Variants in CFI observed in about 807,000 individuals in gnomAD.
CFI encodes C3B/C4B inactivator.
A neutral mutation model predicts 78.8 loss-of-function variants in CFI; 66 were observed. That is an observed-to-expected ratio of 0.84 (90% confidence interval 0.69 to 1.03). The LOEUF is 1.03. CFI is among the 50% of genes least tolerant of loss of function. CFI has a pLI of 0.00. For synonymous variants in CFI, 250 were observed against 232.6 expected, an observed-to-expected ratio of 1.07 and a Z score of -0.68; for missense variants, 706 against 704.5, an observed-to-expected ratio of 1.00 and a Z score of -0.02.
chr4:109,775,038 T>G (rs1301681327), intron 1 of CFI, among the ~76,000 whole-genome samples: 1 of 152,116 alleles, frequency 6.6e-6, no homozygotes, highest in Non-Finnish European at 1.5e-5. Context: ...AATTTCCAAC[T>G]TGAGGAGGTT....
the CFI span, among the ~76,000 whole-genome samples, chr4:109,731,207 G>A: frequency 6.6e-6 from 1 of 152,064 alleles, no homozygotes; most frequent in Admixed American, 6.6e-5. Context: ...TTAGCTGGGC[G>A]TGGTGGCGGG....
intron 7 of CFI, among the ~76,000 whole-genome samples, chr4:109,756,152 G>A (rs1726105006): frequency 6.6e-6 from 1 of 152,120 alleles, no homozygotes. Context: ...GCCTATTGGG[G>A]AAGAGGAATG....
intron 11 of CFI, among the ~76,000 whole-genome samples, chr4:109,743,610 G>A (rs1724072757): frequency 6.6e-6 from 1 of 152,092 alleles, no homozygotes; most frequent in Admixed American, 6.5e-5. Flanking sequence ...CTCAATAAAT[G>A]TGTTAAACCA....
At chr4:109,795,213 G>A (rs993227128) in intron 1 of CFI, among the ~76,000 whole-genome samples, 2 of 152,178 alleles carry the variant, frequency 1.3e-5, no homozygotes, top group African/African-American at 4.8e-5. Context: ...TACCCACACA[G>A]TGACGGTGGC....
chr4:109,792,714 T>C (rs527352374), intron 1 of CFI, among the ~76,000 whole-genome samples: 1 of 152,332 alleles, frequency 6.6e-6, no homozygotes, highest in East Asian at 1.9e-4. Context: ...ATTGACCCTT[T>C]CATTAATATA....
At chr4:109,788,345 A>G (rs1730997260) in intron 1 of CFI, among the ~76,000 whole-genome samples, 1 of 152,252 alleles carries the variant, frequency 6.6e-6, no homozygotes, top group South Asian at 2.1e-4. Flanking sequence ...CCCATCATCA[A>G]TATATGAGAA....
In CFI at chr4:109,760,516, T is replaced by C. The variant is rs1726920458; in HGVS notation, c.772+7A>G. ...TTAGAGGATTTAGAGGCTAGATTTATGTCTACCTTTACAACACAGTTCATC... is the reference window on the plus strand; with the variant it reads ...TTAGAGGATTTAGAGGCTAGATTTACGTCTACCTTTACAACACAGTTCATC... On this transcript the variant is annotated splice_region_variant and intron_variant, in intron 5 of 12. Transcript: ENST00000394634. 1 of 1,543,598 alleles carries C rather than the reference T, an allele frequency of 6.5e-7. No homozygotes were observed. The highest frequency in any genetic ancestry group is 9.0e-7 in the Non-Finnish European group (1 of 1,115,642).
rs572225565 is a variant in CFI, at chr4:109,795,135, G to A, written c.57+6780C>T. ...CACGATGCTGAAAGAGATTCCTTTG[G>A]ATCATGAGCTCTCTTGTGGGGGAAA... On this transcript the variant is annotated intron_variant, in intron 1 of 12. Transcript: ENST00000394634. 4.6e-5 allele frequency among the ~76,000 whole-genome samples: 7 copies of A among 152,262 alleles called. No homozygotes were observed. The South Asian group carries it at 1.5e-3, about 32-fold the overall frequency.
At chr4:109,786,395 T>C (rs1025186341) in intron 1 of CFI, among the ~76,000 whole-genome samples, 1 of 152,144 alleles carries the variant, frequency 6.6e-6, no homozygotes, top group Non-Finnish European at 1.5e-5. Context: ...TTTATCTTTT[T>C]TTTCTCTAGG....
At chr4:109,757,222 G>C in intron 7 of CFI, among the ~76,000 whole-genome samples, 1 of 151,562 alleles carries the variant, frequency 6.6e-6, no homozygotes, top group Non-Finnish European at 1.5e-5. Context: ...TTTTAGTAGA[G>C]ATGGGGTTTC....
intron 8 of CFI, among the ~76,000 whole-genome samples, chr4:109,750,607 A>T (rs1330856805): frequency 6.6e-6 from 1 of 152,156 alleles, no homozygotes; most frequent in African/African-American, 2.4e-5. Flanking sequence ...AAAGTTTATG[A>T]CCTGAATTTT....
At chr4:109,782,627 T>C (rs1281084500) in intron 1 of CFI, among the ~76,000 whole-genome samples, 1 of 151,450 alleles carries the variant, frequency 6.6e-6, no homozygotes, top group Non-Finnish European at 1.5e-5. Flanking sequence ...TTCAATGCAA[T>C]CCAAATACCA....
In CFI at chr4:109,764,686, C is replaced by G. The variant is rs189153845; in HGVS notation, c.333G>C (p.Lys111Asn). 1 of 1,613,352 alleles carries G rather than the reference C, an allele frequency of 6.2e-7. No individual in the cohort carries two copies. The highest frequency in any genetic ancestry group is 1.7e-5 in the Admixed American group (1 of 59,980). Residue 111 changes from lysine (K) to asparagine (N), a missense_variant, in exon 3 of 13, where the codon AAG (lysine) becomes AAC (asparagine). By Grantham distance (94) the Lys-to-Asn change is moderately conservative (BLOSUM62 0). Coordinates refer to ENST00000394634, the MANE Select transcript of CFI (RefSeq NM_000204.5). ...TTCCATGCTTCAAGGAAACACTAAA[C>G]TTTCCTAAAATAAAAAAACAAAATA... ...LNNGTCTAEGKFSVSLKHGNT... is the reference protein window; with the variant it reads ...LNNGTCTAEGNFSVSLKHGNT...
intron 1 of CFI, among the ~76,000 whole-genome samples, chr4:109,789,277 A>G (rs1199871777): frequency 2.0e-5 from 3 of 152,064 alleles, no homozygotes; most frequent in East Asian, 3.9e-4. Flanking sequence ...AACAAAAAAC[A>G]TATTTGAAGA....
At chr4:109,799,756 T>C (rs1309332168) in intron 1 of CFI, among the ~76,000 whole-genome samples, 1 of 152,222 alleles carries the variant, frequency 6.6e-6, no homozygotes, top group Non-Finnish European at 1.5e-5. Context: ...AATTTCAAAA[T>C]GTCTTTTTAA....
At chr4:109,758,998 T>G (rs1337404167) in intron 6 of CFI, among the ~76,000 whole-genome samples, 1 of 152,138 alleles carries the variant, frequency 6.6e-6, no homozygotes, top group East Asian at 1.9e-4. Flanking sequence ...GAGGCTGAGG[T>G]GGGAGAATCC....
At chr4:109,762,430 A>AATTTG (rs1727203026) in intron 3 of CFI, 1 of 152,184 alleles carries the variant, frequency 6.6e-6, no homozygotes, top group South Asian at 2.1e-4. Flanking sequence ...ATTTGCTCAG[A>AATTTG]ATTTGTGAGA....
chr4:109,742,969 A>C (rs1723991539), intron 11 of CFI, among the ~76,000 whole-genome samples: 1 of 152,172 alleles, frequency 6.6e-6, no homozygotes. Context: ...TTTCCTTGAG[A>C]ATGTTTGTTA....
At chr4:109,761,925 C>A (rs1727120315) in intron 3 of CFI, 1 of 483,360 alleles carries the variant, frequency 2.1e-6, no homozygotes, top group Admixed American at 3.3e-5. Flanking sequence ...GGTGGTGGCT[C>A]ACGCCTGTAA....
Sources: gnomAD v4.1 joint callset for allele counts (sites outside exome capture counted in the v4.1 genomes callset) on GRCh38, gnomAD v4.1.1 for gene constraint, MANE v1.5 for transcripts, NCBI Gene and HGNC (gene_info 2026-07-23, HGNC 2026-07-21) for gene names.